PRKCZ: variants seen among roughly 807,000 people sequenced by gnomAD.
The protein encoded by PRKCZ is protein kinase C zeta type.
Under a neutral mutation model 79.5 loss-of-function variants are expected in PRKCZ, and 33 were observed. That is an observed-to-expected ratio of 0.41 (90% confidence interval 0.31 to 0.55). The LOEUF is 0.55. PRKCZ is among the 20% of genes least tolerant of loss of function. The pLI is 0.19. For missense variants in PRKCZ, 578 were observed against 813.5 expected (o/e 0.71, Z 3.52); for synonymous variants, 342 against 320.9 (o/e 1.07, Z -0.70).
chr1:2,097,330 C>T (rs1387928469), intron 4 of PRKCZ, among the ~76,000 whole-genome samples: 1 of 152,108 alleles, frequency 6.6e-6, no homozygotes, highest in Non-Finnish European at 1.5e-5. Flanking sequence ...GGCCCAGGTA[C>T]CTTTCTGGGC....
At chr1:2,089,339 G>A (rs1042617026) in intron 4 of PRKCZ, among the ~76,000 whole-genome samples, 1 of 152,190 alleles carries the variant, frequency 6.6e-6, no homozygotes, top group African/African-American at 2.4e-5. Flanking sequence ...CTTGAGGGTC[G>A]GGGTTGGGGA....
intron 4 of PRKCZ, among the ~76,000 whole-genome samples, chr1:2,113,296 G>A (rs1571484919): frequency 6.6e-6 from 1 of 152,364 alleles, no homozygotes; most frequent in East Asian, 1.9e-4. Flanking sequence ...CTTCAGCAGT[G>A]ATTTGTGGTG....
chr1:2,100,966 C>G (rs1667338890), intron 4 of PRKCZ, among the ~76,000 whole-genome samples: 4 of 150,838 alleles, frequency 2.7e-5, no homozygotes, highest in African/African-American at 9.8e-5. Context: ...ATCTTTCGTC[C>G]TGTGTCTGAC....
intron 4 of PRKCZ, chr1:2,074,688 G>A (rs16824697): frequency 0.23 from 64,593 of 279,502 alleles, 9,810 homozygotes; most frequent in East Asian, 0.73. Flanking sequence ...TAATGTGCAC[G>A]GCTCACTCCA....
rs1452335832 is a variant in PRKCZ, at chr1:2,172,682, A to G, written c.1285+294A>G. Among the ~76,000 whole-genome samples, 1 of 152,082 alleles carries G rather than the reference A, an allele frequency of 6.6e-6. No homozygotes were observed. Among genetic ancestry groups the G allele is most frequent in the Non-Finnish European group, 1.5e-5 (1 of 67,994 alleles). ...AGAAAGCGGGGGTGGGACAGGGTGC[A>G]GCACCTGAGTCCCCGTGCTGCACGA... On this transcript the variant is annotated intron_variant, in intron 13 of 17. Transcript: ENST00000378567. This position sits in a 1 kb window ranked among gnomAD's most constrained non-coding sequence, Gnocchi z 7.8.
chr1:2,119,435 G>A (rs969607254), intron 4 of PRKCZ, among the ~76,000 whole-genome samples: 2 of 152,032 alleles, frequency 1.3e-5, no homozygotes, highest in African/African-American at 2.4e-5. Context: ...GGCTGGTATC[G>A]AATTCCTGGC....
chr1:2,141,449 G>A (rs1301063900), intron 5 of PRKCZ: 1 of 150,642 alleles, frequency 6.6e-6, no homozygotes, highest in Non-Finnish European at 1.5e-5. Flanking sequence ...GGGTTCAAGT[G>A]ATTCTCCTGC....
At chr1:2,121,422 C>G (rs1054058797) in intron 4 of PRKCZ, among the ~76,000 whole-genome samples, 1 of 131,502 alleles carries the variant, frequency 7.6e-6, no homozygotes, top group African/African-American at 3.6e-5. Flanking sequence ...GGAGACGAAG[C>G]CTTTGACAGG....
chr1:2,184,438 A>G (rs1687230724), intron 16 of PRKCZ, 145 bp from the exon 17 acceptor site: 2 of 615,448 alleles, frequency 3.2e-6, no homozygotes. Flanking sequence ...GTTGTAAGAA[A>G]AAACACTTGG....
chr1:2,144,395 C>A, intron 6 of PRKCZ, 54 bp downstream of exon 6: 1 of 1,538,338 alleles, frequency 6.5e-7, no homozygotes, highest in East Asian at 2.4e-5. Flanking sequence ...CGGGGCGTGG[C>A]AGCCAGCCCA....
In PRKCZ at chr1:2,084,635, A is replaced by G. The variant is rs1571250331; in HGVS notation, c.334+25044A>G. Among the ~76,000 whole-genome samples the G allele has an allele frequency of 2.0e-5, 3 of 152,150 alleles. No homozygotes were observed. In the South Asian group the frequency reaches 6.2e-4, roughly 32 times the overall value. ...TGGGGCATGGAGGCGTTCTGCACCC[A>G]CCAGCTGTCAGTGCCAGCCACCTGC... On this transcript the variant is annotated intron_variant, in intron 4 of 17. Coordinates refer to ENST00000378567, the MANE Select transcript of PRKCZ (RefSeq NM_002744.6).
At position 2,178,485 on chromosome 1, in the gene PRKCZ, G is replaced by A. The variant is rs907886312; in HGVS notation, c.1575+3172G>A. Among the ~76,000 whole-genome samples, 5 of 152,258 alleles carry A rather than the reference G, an allele frequency of 3.3e-5. No homozygotes were observed. Among genetic ancestry groups the A allele is most frequent in the African/African-American group, 9.6e-5 (4 of 41,556 alleles). ...TCTGGCCATTGTGAATTGTGCTGCC[G>A]TGAACACCTGTGAACCCGCTTCTGG... On this transcript the variant is annotated intron_variant, in intron 16 of 17. Transcript: ENST00000378567. This position sits in a 1 kb window ranked among gnomAD's most constrained non-coding sequence, Gnocchi z 4.3.
chr1:2,112,023 G>A (rs575646249), intron 4 of PRKCZ, among the ~76,000 whole-genome samples: 6 of 152,262 alleles, frequency 3.9e-5, no homozygotes, highest in African/African-American at 4.8e-5. Flanking sequence ...ATGTTTCCTC[G>A]GGACAAGTCA....
intron 9 of PRKCZ, among the ~76,000 whole-genome samples, chr1:2,151,333 C>T (rs563028173): frequency 5.3e-5 from 8 of 152,264 alleles, no homozygotes; most frequent in Non-Finnish European, 8.8e-5. Flanking sequence ...AGAGCACTCA[C>T]GTGTCTAAGC....
intron 4 of PRKCZ, among the ~76,000 whole-genome samples, chr1:2,112,611 CA>C (rs1669966816): frequency 1.3e-5 from 2 of 152,036 alleles, no homozygotes; most frequent in Admixed American, 6.5e-5. Flanking sequence ...TCACAGTACT[CA>C]AAAAAGGAAG....
chr1:2,110,744 G>C (rs1402292069), intron 4 of PRKCZ, among the ~76,000 whole-genome samples: 2 of 152,080 alleles, frequency 1.3e-5, no homozygotes, highest in East Asian at 3.9e-4. Context: ...GCTGGGTCCT[G>C]AGAGAGCTGG....
chr1:2,172,716 G>C lies in PRKCZ; in HGVS notation c.1285+328G>C, dbSNP rs948746075. Among the ~76,000 whole-genome samples, 17 of 152,174 alleles carry C rather than the reference G, an allele frequency of 1.1e-4. No individual in the cohort carries two copies. Among genetic ancestry groups the C allele is most frequent in the Admixed American group, 9.8e-4 (15 of 15,282 alleles). ...GTCCCCGTGCTGCACGAGTGGCTGGGGGAGAAGCTGTTGTCTGGGGAGCCC... is the reference window on the plus strand; with the variant it reads ...GTCCCCGTGCTGCACGAGTGGCTGGCGGAGAAGCTGTTGTCTGGGGAGCCC... On this transcript the variant is annotated intron_variant, in intron 13 of 17. Transcript: ENST00000378567. The surrounding 1 kb of genome is among the most constrained non-coding windows in gnomAD (Gnocchi z 7.8).
chr1:2,122,907 G>C (rs1162449183), intron 4 of PRKCZ, among the ~76,000 whole-genome samples: 1 of 39,748 alleles, frequency 2.5e-5, no homozygotes, highest in Non-Finnish European at 4.5e-5. Flanking sequence ...TGGTAGTTAG[G>C]GTCACGGTGG....
intron 4 of PRKCZ, among the ~76,000 whole-genome samples, chr1:2,117,448 C>G (rs528533950): frequency 2.0e-5 from 3 of 152,062 alleles, no homozygotes; most frequent in African/African-American, 7.2e-5. Flanking sequence ...CTCCTGGTCC[C>G]CGTAGTTTGT....
Sources: gnomAD v4.1 joint callset for allele counts (sites outside exome capture counted in the v4.1 genomes callset) on GRCh38, gnomAD v4.1.1 for gene constraint, Gnocchi (gnomAD v3.1) non-coding constraint, MANE v1.5 for transcripts, NCBI Gene and HGNC (gene_info 2026-07-23, HGNC 2026-07-21) for gene names.